Variants in HSPA4L observed in about 807,000 individuals in gnomAD.
The protein encoded by HSPA4L is heat shock 70 kDa protein 4L.
Under a neutral mutation model 100.3 loss-of-function variants are expected in HSPA4L, and 48 were observed. The observed-to-expected ratio is 0.48, with a 90% CI of 0.38 to 0.61. The LOEUF (loss-of-function observed/expected upper bound fraction) is 0.61, where lower values mean the gene tolerates loss of function less well. Among genes scored for constraint, HSPA4L ranks in the 20% least tolerant of loss-of-function variants. The probability of loss-of-function intolerance (pLI) is 0.00; values close to 1 mark genes in which losing one functional copy is unlikely to be tolerated. For synonymous variants in HSPA4L, 319 were observed against 328.2 expected (o/e 0.97, Z 0.30); for missense variants, 886 against 988.6 (o/e 0.90, Z 1.39).
chr4:127,795,945 C>T (rs1733009281), intron 3 of HSPA4L, 37 bp downstream of exon 3: 1 of 1,598,952 alleles, frequency 6.3e-7, no homozygotes, highest in Non-Finnish European at 8.6e-7. Flanking sequence ...AACATATCTT[C>T]AAATTAAGTA....
intron 13 of HSPA4L, 57 bp downstream of exon 13, chr4:127,818,477 G>A (rs1415726232): frequency 9.2e-7 from 1 of 1,087,172 alleles, no homozygotes; most frequent in African/African-American, 1.6e-5. Flanking sequence ...TTGAATTATT[G>A]TATTTAATGC....
intron 1 of HSPA4L, among the ~76,000 whole-genome samples, chr4:127,788,754 C>G (rs1301235148): frequency 1.3e-5 from 2 of 152,084 alleles, no homozygotes; most frequent in Non-Finnish European, 2.9e-5. Context: ...TAGGAATACT[C>G]CTAATATCCG....
intron 1 of HSPA4L, among the ~76,000 whole-genome samples, chr4:127,789,631 G>C (rs1732817543): frequency 1.4e-5 from 2 of 148,102 alleles, no homozygotes; most frequent in African/African-American, 5.0e-5. Flanking sequence ...CTGGGCGACA[G>C]AGCGAGATTC....
Position 127,795,953 on chromosome 4 carries a change from G to A in HSPA4L, c.306+45G>A, listed in dbSNP as rs1197021458. The A allele has an allele frequency of 2.5e-6, 4 of 1,589,990 alleles. No homozygotes were observed. In the African/African-American group the frequency reaches 5.4e-5, roughly 21 times the overall value. On this transcript the variant is annotated intron_variant, in intron 3 of 18. Transcript: ENST00000296464. ...GGTTACAAACATATCTTCAAATTAA[G>A]TAAACCCAATGTGATAATATTGCTA...
At chr4:127,814,708 A>G (rs552328776) in intron 12 of HSPA4L, among the ~76,000 whole-genome samples, 2 of 152,258 alleles carry the variant, frequency 1.3e-5, no homozygotes, top group African/African-American at 4.8e-5. Flanking sequence ...CTGAGATTAC[A>G]GGCATACGCC....
At chr4:127,802,736 T>C (rs540453982) in intron 6 of HSPA4L, among the ~76,000 whole-genome samples, 5 of 152,292 alleles carry the variant, frequency 3.3e-5, no homozygotes, top group African/African-American at 9.6e-5. Flanking sequence ...GTACTAGTTA[T>C]ATACCAAGAT....
intron 17 of HSPA4L, among the ~76,000 whole-genome samples, chr4:127,828,385 G>A (rs1375715123): frequency 6.6e-6 from 1 of 151,872 alleles, no homozygotes; most frequent in African/African-American, 2.4e-5. Context: ...TACTTTATGT[G>A]GATTATCTCA....
rs1732587010 is a variant in HSPA4L at position 127,782,453 on chromosome 4, C to T, written c.-98C>T. On this transcript the variant is annotated 5_prime_UTR_variant, in exon 1 of 19. Coordinates refer to ENST00000296464, the MANE Select transcript of HSPA4L (RefSeq NM_014278.4). Reference sequence around the variant, plus strand: ...ACTTGGGGTCCCCTCTCGTTTGCTTCTGGTAGGAGTCGCAATCCCAGCAGC... The same window carrying T: ...ACTTGGGGTCCCCTCTCGTTTGCTTTTGGTAGGAGTCGCAATCCCAGCAGC... 1 of 971,096 alleles carries T rather than the reference C, an allele frequency of 1.0e-6. No homozygotes were observed. Among genetic ancestry groups the T allele is most frequent in the Admixed American group, 2.0e-5 (1 of 50,770 alleles). 60.2% of individuals were successfully genotyped at this position (971,096 alleles called of 1,614,324 possible).
chr4:127,812,422 A>C (rs188207067), intron 12 of HSPA4L, among the ~76,000 whole-genome samples: 4,073 of 143,710 alleles, frequency 0.028, 191 homozygotes, highest in African/African-American at 0.098. Context: ...AAAAAAAAAC[A>C]AAAAAAAAAA....
chr4:127,820,469 T>G lies in HSPA4L; in HGVS notation c.1716T>G (p.Leu572=), dbSNP rs1733780988. The change falls in exon 14 of 19, where the codon CTT becomes CTG. Residue 572 remains leucine (L), a synonymous_variant. Transcript: ENST00000296464. ...SDKQDRLNQT[L]KKGKVKSIDL... ...AACAAGACCGATTAAATCAGACACT[T>G]AAAAAAGGAAAAGTCAAAAGTATTG... 3.1e-6 allele frequency: 5 copies of G among 1,604,048 alleles called. No individual in the cohort carries two copies. Among genetic ancestry groups the G allele is most frequent in the Non-Finnish European group, 4.3e-6 (5 of 1,176,090 alleles).
At chr4:127,793,874 T>TA (rs1464259959) in intron 1 of HSPA4L, among the ~76,000 whole-genome samples, 2 of 152,140 alleles carry the variant, frequency 1.3e-5, no homozygotes, top group Non-Finnish European at 2.9e-5. Flanking sequence ...AGGACTTTTT[T>TA]AAAAAATTGT....
At chr4:127,795,181 G>A (rs1443389755) in intron 2 of HSPA4L, among the ~76,000 whole-genome samples, 4 of 152,050 alleles carry the variant, frequency 2.6e-5, no homozygotes, top group Non-Finnish European at 5.9e-5. Flanking sequence ...AATGGAAGTG[G>A]AAATAAATAA....
At chr4:127,789,634 C>G (rs1022586684) in intron 1 of HSPA4L, among the ~76,000 whole-genome samples, 7 of 144,608 alleles carry the variant, frequency 4.8e-5, no homozygotes, top group Non-Finnish European at 1.1e-4. Flanking sequence ...GGCGACAGAG[C>G]GAGATTCTGT....
intron 1 of HSPA4L, among the ~76,000 whole-genome samples, chr4:127,785,296 T>C (rs1245362522): frequency 2.0e-5 from 3 of 152,222 alleles, no homozygotes; most frequent in Non-Finnish European, 2.9e-5. Flanking sequence ...GAAAAATTAT[T>C]ACATAATAAT....
upstream of HSPA4L, chr4:127,781,931 T>C (rs1732562156): frequency 5.0e-6 from 2 of 398,796 alleles, no homozygotes; most frequent in Non-Finnish European, 1.0e-5. Context: ...CAAGCACGCC[T>C]CCGGTTGCCA....
chr4:127,834,193 C>CA lies in HSPA4L; in HGVS notation c.*1321dup, dbSNP rs1185855857. The stretch of plus-strand genomic sequence containing the variant: ...CAGACTGAAATGGTGTTTCAACCTG[C>CA]AAGAGACAGAAGCATAGACAAGTAT... On this transcript the variant is annotated 3_prime_UTR_variant, in exon 19 of 19. Coordinates refer to ENST00000296464, the MANE Select transcript of HSPA4L (RefSeq NM_014278.4). The CA allele has an allele frequency of 1.3e-5, 2 of 152,086 alleles. No homozygotes were observed. Among genetic ancestry groups the CA allele is most frequent in the Non-Finnish European group, 2.9e-5 (2 of 68,000 alleles). The allele number at this position is 152,086 out of a possible 1,614,324, so 9.4% of individuals were successfully genotyped here.
At chr4:127,805,358 ATAAG>A in intron 9 of HSPA4L, 134 bp downstream of exon 9, 1 of 654,002 alleles carries the variant, frequency 1.5e-6, no homozygotes, top group Non-Finnish European at 2.5e-6. Flanking sequence ...TTTCTGATAA[ATAAG>A]TCTTATGTCT....
intron 12 of HSPA4L, among the ~76,000 whole-genome samples, chr4:127,817,910 C>T (rs1578715251): frequency 6.6e-6 from 1 of 152,158 alleles, no homozygotes; most frequent in South Asian, 2.1e-4. Flanking sequence ...AAGTTTGTTA[C>T]ATAGGTATAC....
rs373850690 is a variant in HSPA4L at position 127,784,631 on chromosome 4, T to TA, written c.107+1975dup. Reference sequence around the variant, plus strand: ...CTCTCCATGGCTGGGCACTGTCACTTACCTCAGAAGTGTATCTTTTGTTGT... The same window carrying TA: ...CTCTCCATGGCTGGGCACTGTCACTTAACCTCAGAAGTGTATCTTTTGTTGT... On this transcript the variant is annotated intron_variant, in intron 1 of 18. Transcript: ENST00000296464. 1.5e-3 allele frequency among the ~76,000 whole-genome samples: 229 copies of TA among 152,372 alleles called. 2 individuals are homozygous for TA. The highest frequency in any genetic ancestry group is 6.8e-3 in the Middle Eastern group (2 of 294).
Sources: allele counts gnomAD v4.1 joint callset (sites outside exome capture counted in the v4.1 genomes callset), GRCh38; gene constraint gnomAD v4.1.1; transcripts MANE v1.5; gene names NCBI Gene and HGNC (gene_info 2026-07-23, HGNC 2026-07-21).